Variants in HIPK2 observed in about 807,000 individuals in gnomAD.
HIPK2 encodes the protein homeodomain interacting protein kinase 2.
A neutral mutation model predicts 113.7 loss-of-function variants in HIPK2; 27 were observed. The observed-to-expected ratio is 0.24, with a 90% CI of 0.17 to 0.33. The LOEUF (loss-of-function observed/expected upper bound fraction) is 0.33, where lower values mean the gene tolerates loss of function less well. Among genes scored for constraint, HIPK2 ranks in the 10% least tolerant of loss-of-function variants. The pLI, the probability that HIPK2 is intolerant of heterozygous loss-of-function variation, is 1.00. For synonymous variants in HIPK2, 631 were observed against 642.2 expected (o/e 0.98, Z 0.26); for missense variants, 1,257 against 1,588.0 (o/e 0.79, Z 3.54).
chr7:139,717,589 G>A (rs1569480205), intron 1 of HIPK2, among the ~76,000 whole-genome samples: 1 of 152,210 alleles, frequency 6.6e-6, no homozygotes, highest in African/African-American at 2.4e-5. Context: ...TTGGTCTGAC[G>A]TTTTTCATTT....
chr7:139,627,266 G>A (rs1229772769), intron 5 of HIPK2, among the ~76,000 whole-genome samples: 2 of 151,910 alleles, frequency 1.3e-5, no homozygotes, highest in East Asian at 1.9e-4. Context: ...AAAGAGTCAC[G>A]GCCAAGCAGT....
In HIPK2 at chr7:139,621,272, GAGGTA is replaced by G. The variant is rs1457774788; in HGVS notation, c.1620-714_1620-710del. On this transcript the variant is annotated intron_variant, in intron 6 of 14. Transcript: ENST00000406875. ...TTCACGAGTAAGGCTGAAGCTTAGG[GAGGTA>G]GGGAGTTTGCCAAGGATAGGTAATC... 7.9e-5 allele frequency among the ~76,000 whole-genome samples: 12 copies of G among 152,338 alleles called. No homozygotes were observed. In the South Asian group the frequency reaches 2.5e-3, roughly 32 times the overall value.
intron 2 of HIPK2, among the ~76,000 whole-genome samples, chr7:139,635,559 T>C (rs1461789977): frequency 2.0e-5 from 3 of 152,054 alleles, no homozygotes; most frequent in Non-Finnish European, 4.4e-5. Context: ...CCTGGGAAAA[T>C]TGCTTGTAGT....
At chr7:139,689,554 AC>A (rs146704355) in intron 2 of HIPK2, among the ~76,000 whole-genome samples, 5,423 of 152,178 alleles carry the variant, frequency 0.036, 328 homozygotes, top group African/African-American at 0.12. Flanking sequence ...TGTCTCAGTT[AC>A]CTTATGTCTG....
chr7:139,573,411 G>A lies in HIPK2; in HGVS notation c.3127-14C>T. Reference sequence around the variant, plus strand: ...GTGCTGCTGAGCCTGGGGAGGAGAGGCACCAAGAGAGACGTCAGGGGCCGA... The same window carrying A: ...GTGCTGCTGAGCCTGGGGAGGAGAGACACCAAGAGAGACGTCAGGGGCCGA... On this transcript the variant is annotated splice_polypyrimidine_tract_variant and intron_variant, in intron 14 of 14. Coordinates refer to ENST00000406875, the MANE Select transcript of HIPK2 (RefSeq NM_022740.5). 3.1e-6 allele frequency: 5 copies of A among 1,600,266 alleles called. No individual in the cohort carries two copies. The highest frequency in any genetic ancestry group is 4.2e-6 in the Non-Finnish European group (5 of 1,179,356).
chr7:139,672,763 A>G (rs1388532058), intron 2 of HIPK2, among the ~76,000 whole-genome samples: 1 of 152,202 alleles, frequency 6.6e-6, no homozygotes, highest in Non-Finnish European at 1.5e-5. Context: ...CCTGGCCACA[A>G]GTAACATTTT....
At chr7:139,682,205 T>A (rs1802727177) in intron 2 of HIPK2, among the ~76,000 whole-genome samples, 1 of 152,200 alleles carries the variant, frequency 6.6e-6, no homozygotes, top group South Asian at 2.1e-4. Context: ...AAGGTCCTTA[T>A]GATTCAGTCC....
intron 2 of HIPK2, among the ~76,000 whole-genome samples, chr7:139,673,885 TAAAAAAAAAAAAAAAAAAA>T (rs60905469): frequency 1.5e-4 from 11 of 73,454 alleles, no homozygotes; most frequent in East Asian, 7.5e-4. Flanking sequence ...CTATCTGTAC[TAAAAAAAAAAAAAAAAAAA>T]AAAAAAAAAA....
chr7:139,701,931 G>A (rs968339119), intron 2 of HIPK2, among the ~76,000 whole-genome samples: 101 of 152,268 alleles, frequency 6.6e-4, no homozygotes, highest in African/African-American at 2.2e-3. Context: ...GCCACATCGG[G>A]AGAGAGTGGC....
chr7:139,655,179 G>A lies in HIPK2; in HGVS notation c.1104-23454C>T, dbSNP rs145531775. 6.1e-4 allele frequency among the ~76,000 whole-genome samples: 93 copies of A among 152,360 alleles called. 1 individual carries two copies. The Middle Eastern group carries it at 0.024, about 39-fold the overall frequency. ...ACTGAATTCTCAGTGCCCATAAGGT[G>A]CAGAGTTGATGACAAGGATCACAGT... On this transcript the variant is annotated intron_variant, in intron 2 of 14. Transcript: ENST00000406875.
At chr7:139,701,677 A>G (rs1794713494) in intron 2 of HIPK2, among the ~76,000 whole-genome samples, 2 of 152,236 alleles carry the variant, frequency 1.3e-5, no homozygotes, top group African/African-American at 2.4e-5. Flanking sequence ...CCTAAGAAAT[A>G]TATCATTTCT....
chr7:139,635,745 C>T lies in HIPK2; in HGVS notation c.1104-4020G>A, dbSNP rs6956155. ...CCACATCAAAGCACACAGGACAACT[C>T]GAGTCGAATACAAAACGTGTGTCAC... On this transcript the variant is annotated intron_variant, in intron 2 of 14. Coordinates refer to ENST00000406875, the MANE Select transcript of HIPK2 (RefSeq NM_022740.5). 5.5e-3 allele frequency among the ~76,000 whole-genome samples: 832 copies of T among 152,252 alleles called. 11 individuals carry two copies. The highest frequency in any genetic ancestry group is 0.019 in the African/African-American group (780 of 41,556).
Position 139,564,111 on chromosome 7 carries a change from G to GT in HIPK2, c.*8815dup. Reference sequence around the variant, plus strand: ...TGACCATCTCTGAGAGGATGCTAAGGTCCCCCTCCCACCGAACTAGACTTT... The same window carrying GT: ...TGACCATCTCTGAGAGGATGCTAAGGTTCCCCCTCCCACCGAACTAGACTTT... On this transcript the variant is annotated 3_prime_UTR_variant, in exon 15 of 15. Coordinates refer to ENST00000406875, the MANE Select transcript of HIPK2 (RefSeq NM_022740.5). 2.5e-6 allele frequency: 1 copy of GT among 397,334 alleles called. No individual in the cohort carries two copies. The highest frequency in any genetic ancestry group is 4.4e-6 in the Non-Finnish European group (1 of 225,898). 24.6% of individuals were successfully genotyped at this position (397,334 alleles called of 1,614,324 possible). A position where few individuals can be genotyped will look rare whatever the true frequency, so the allele number is the denominator to read the frequency against.
At position 139,754,090 on chromosome 7, in the gene HIPK2, C is replaced by T. The variant is rs564209155; in HGVS notation, c.19+23515G>A. On this transcript the variant is annotated intron_variant, in intron 1 of 14. Coordinates refer to ENST00000406875, the MANE Select transcript of HIPK2 (RefSeq NM_022740.5). ...GCTCGAGGCCCCAGGCTGCTATCTGCTCCAATTTAGGGGACAGTCCTGCTT... is the reference window on the plus strand; with the variant it reads ...GCTCGAGGCCCCAGGCTGCTATCTGTTCCAATTTAGGGGACAGTCCTGCTT... 1.2e-4 allele frequency among the ~76,000 whole-genome samples: 19 copies of T among 152,322 alleles called. No individual in the cohort carries two copies. The South Asian group carries it at 3.9e-3, about 32-fold the overall frequency.
chr7:139,580,292 GT>G (rs1414227124), intron 13 of HIPK2, among the ~76,000 whole-genome samples: 1 of 152,170 alleles, frequency 6.6e-6, no homozygotes, highest in Non-Finnish European at 1.5e-5. Flanking sequence ...GTTAGGGAAT[GT>G]TAGATGAAAT....
At chr7:139,627,040 A>C (rs934020461) in intron 5 of HIPK2, among the ~76,000 whole-genome samples, 8 of 152,144 alleles carry the variant, frequency 5.3e-5, no homozygotes, top group African/African-American at 1.9e-4. Context: ...GGACCTGCAA[A>C]TATATCTGAA....
chr7:139,720,087 A>C (rs1397832327), intron 1 of HIPK2, among the ~76,000 whole-genome samples: 2 of 152,210 alleles, frequency 1.3e-5, no homozygotes, highest in South Asian at 4.1e-4. Context: ...ACTTGAATGA[A>C]GCTGGTCTAT....
intron 1 of HIPK2, among the ~76,000 whole-genome samples, chr7:139,732,673 T>A (rs1478055048): frequency 1.3e-5 from 2 of 151,648 alleles, no homozygotes; most frequent in East Asian, 1.9e-4. Context: ...TCTGCCTCAA[T>A]CCCCTCATCT....
chr7:139,744,270 A>G (rs569329252), intron 1 of HIPK2, among the ~76,000 whole-genome samples: 1 of 152,368 alleles, frequency 6.6e-6, no homozygotes, highest in South Asian at 2.1e-4. Context: ...CTGCTACAAC[A>G]TGGATGAACC....
Sources: gnomAD v4.1 joint callset for allele counts (sites outside exome capture counted in the v4.1 genomes callset) on GRCh38, gnomAD v4.1.1 for gene constraint, MANE v1.5 for transcripts, NCBI Gene and HGNC (gene_info 2026-07-23, HGNC 2026-07-21) for gene names.